Variants in RNF2 observed in about 807,000 individuals in gnomAD.
RNF2 encodes the protein E3 ubiquitin-protein ligase RING2.
Under a neutral mutation model 37.2 loss-of-function variants are expected in RNF2, and 6 were observed. The observed-to-expected ratio is 0.16, with a 90% CI of 0.09 to 0.32. RNF2 has a LOEUF of 0.32. RNF2 is among the 10% of genes least tolerant of loss of function. The pLI is 1.00. For missense variants in RNF2, 251 were observed against 404.0 expected (o/e 0.62, Z 3.25); for synonymous variants, 133 against 132.7 (o/e 1.00, Z -0.02).
At chr1:185,084,273 T>G (rs530108046) in intron 1 of RNF2, among the ~76,000 whole-genome samples, 1 of 152,290 alleles carries the variant, frequency 6.6e-6, no homozygotes, top group Admixed American at 6.5e-5. Context: ...CATGCCTTAA[T>G]TCAGTTTATG....
At position 185,069,228 on chromosome 1, in the gene RNF2, G is replaced by A. The variant is rs531145856; in HGVS notation, c.-2-18324G>A. 8.5e-5 allele frequency among the ~76,000 whole-genome samples: 13 copies of A among 152,192 alleles called. No individual in the cohort carries two copies. In the Middle Eastern group the frequency reaches 0.01, roughly 119 times the overall value. On this transcript the variant is annotated intron_variant, in intron 1 of 6. Transcript: ENST00000367510. ...AGCACTTTGCAAGGCCAAGGTTGGC[G>A]GATTGCTTAAGCCCAGGAGTTCGAA...
chr1:185,101,832 G>GGT lies in RNF2; in HGVS notation c.*1531_*1532insGT, dbSNP rs1322900584. 3.1e-5 allele frequency: 3 copies of GGT among 97,878 alleles called. No individual in the cohort carries two copies. The highest frequency in any genetic ancestry group is 1.2e-4 in the African/African-American group (3 of 24,638). 6.1% of individuals were successfully genotyped at this position (97,878 alleles called of 1,614,324 possible). A position where few individuals can be genotyped will look rare whatever the true frequency, so the allele number is the denominator to read the frequency against. ...AATATTTAAAATCTGTTTTTACAGG[G>GGT]TTTTTTTTTTTTTTTTTTTTTTGTA... On this transcript the variant is annotated 3_prime_UTR_variant, in exon 7 of 7. Coordinates refer to ENST00000367510, the MANE Select transcript of RNF2 (RefSeq NM_007212.4).
chr1:185,069,067 A>ATTTAGGCTCCTAAAT (rs1650887225), intron 1 of RNF2, among the ~76,000 whole-genome samples: 1 of 152,196 alleles, frequency 6.6e-6, no homozygotes, highest in Non-Finnish European at 1.5e-5. Flanking sequence ...TAAGAGTACA[A>ATTTAGGCTCCTAAAT]TTTAGGCTCC....
rs1467901526 is a variant in RNF2 at position 185,101,786 on chromosome 1, A to AT, written c.*1491dup. On this transcript the variant is annotated 3_prime_UTR_variant, in exon 7 of 7. Transcript: ENST00000367510. ...ATGAAAACTTAAAGGTATATATTCA[A>AT]TTTTTTACCATTTTATGGAAAATAT... 10 of 141,294 alleles carry AT rather than the reference A, an allele frequency of 7.1e-5. No individual in the cohort carries two copies. The highest frequency in any genetic ancestry group is 2.4e-4 in the African/African-American group (9 of 37,516). 8.8% of individuals were successfully genotyped at this position (141,294 alleles called of 1,614,324 possible).
chr1:185,076,268 G>GCTTTTTTTTT (rs1553240995), intron 1 of RNF2, among the ~76,000 whole-genome samples: 2 of 27,334 alleles, frequency 7.3e-5, no homozygotes, highest in African/African-American at 1.3e-4. Flanking sequence ...TTTATGGGTT[G>GCTTTTTTTTT]TTTTTTTTTT....
At chr1:185,069,294 A>C (rs1650894857) in intron 1 of RNF2, among the ~76,000 whole-genome samples, 1 of 152,058 alleles carries the variant, frequency 6.6e-6, no homozygotes, top group Non-Finnish European at 1.5e-5. Context: ...CTCTACAAAA[A>C]ATACACACAA....
chr1:185,072,332 T>C (rs1019097535), intron 1 of RNF2, among the ~76,000 whole-genome samples: 14 of 152,148 alleles, frequency 9.2e-5, no homozygotes, highest in African/African-American at 3.4e-4. Context: ...TTCATCACCA[T>C]TGATGAGTTC....
chr1:185,049,670 T>TAAAA (rs200612317), intron 1 of RNF2, among the ~76,000 whole-genome samples: 1 of 124,240 alleles, frequency 8.0e-6, no homozygotes, highest in African/African-American at 2.9e-5. Flanking sequence ...TAGATGAGTG[T>TAAAA]AAAAAAAAAA....
intron 2 of RNF2, among the ~76,000 whole-genome samples, chr1:185,088,171 T>G (rs939931633): frequency 1.3e-5 from 2 of 152,204 alleles, no homozygotes; most frequent in Non-Finnish European, 2.9e-5. Flanking sequence ...CAGCACATTT[T>G]AAGCAATAAG....
intron 1 of RNF2, among the ~76,000 whole-genome samples, chr1:185,080,919 G>GTC (rs1651326740): frequency 6.6e-6 from 1 of 152,162 alleles, no homozygotes; most frequent in African/African-American, 2.4e-5. Context: ...CTTATAATTA[G>GTC]TCCTAGGGTC....
intron 1 of RNF2, chr1:185,072,009 A>C (rs1650990906): frequency 6.6e-6 from 1 of 152,558 alleles, no homozygotes; most frequent in Non-Finnish European, 1.5e-5. Flanking sequence ...TGTGGAGACA[A>C]AGCTAGAGAT....
intron 1 of RNF2, among the ~76,000 whole-genome samples, chr1:185,070,491 A>G (rs1440086098): frequency 2.0e-5 from 3 of 152,188 alleles, no homozygotes; most frequent in Admixed American, 6.5e-5. Context: ...TTGGGAACAA[A>G]TGTATGGCCC....
At chr1:185,045,827 GGCGGGTGAA>G (rs1445195209) in intron 1 of RNF2, among the ~76,000 whole-genome samples, 178 bp downstream of exon 1, 1 of 152,126 alleles carries the variant, frequency 6.6e-6, no homozygotes, top group African/African-American at 2.4e-5. Flanking sequence ...CGGCGGAGAC[GGCGGGTGAA>G]GCGGGTTCTC....
chr1:185,100,377 T>C lies in RNF2; in HGVS notation c.*76T>C. 1 of 907,120 alleles carries C rather than the reference T, an allele frequency of 1.1e-6. No individual in the cohort carries two copies. The highest frequency in any genetic ancestry group is 1.7e-6 in the Non-Finnish European group (1 of 582,430). 56.2% of individuals were successfully genotyped at this position (907,120 alleles called of 1,614,324 possible). On this transcript the variant is annotated 3_prime_UTR_variant, in exon 7 of 7. Coordinates refer to ENST00000367510, the MANE Select transcript of RNF2 (RefSeq NM_007212.4). Reference sequence around the variant, plus strand: ...AATATTAAAGATGTACTGGCATTACTTTTATGGACAGATCTTGGATATGTT... The same window carrying C: ...AATATTAAAGATGTACTGGCATTACCTTTATGGACAGATCTTGGATATGTT...
Position 185,091,583 on chromosome 1 carries a change from C to A in RNF2, c.92C>A (p.Ala31Glu). 1 of 1,612,990 alleles carries A rather than the reference C, an allele frequency of 6.2e-7. No homozygotes were observed. The highest frequency in any genetic ancestry group is 8.5e-7 in the Non-Finnish European group (1 of 1,179,766). The change falls in exon 3 of 7, where the codon GCA (alanine) becomes GAA (glutamate). Residue 31 changes from alanine (A) to glutamate (E), a missense_variant. Physicochemically the swap from Ala to Glu is moderately radical, Grantham distance 107. This residue lies in a region of RNF2 where 43 missense variants were observed against 82.7 expected (regional missense o/e 0.52). Coordinates refer to ENST00000367510, the MANE Select transcript of RNF2 (RefSeq NM_007212.4). ...TTTAAAGTGACTCTTTTACAGGAGG[C>A]AATAACAGATGGCTTAGAAATTGTG... is the stretch of plus-strand genomic sequence containing the variant. The part of the protein sequence containing the change: ...LYELQRTPQE[A>E]ITDGLEIVVS...
At chr1:185,048,586 TAAGTG>T (rs767562361) in intron 1 of RNF2, among the ~76,000 whole-genome samples, 4 of 152,224 alleles carry the variant, frequency 2.6e-5, no homozygotes, top group East Asian at 1.9e-4. Context: ...AGCATACTAT[TAAGTG>T]AAGTAACCAG....
chr1:185,060,225 C>T (rs1023828214), intron 1 of RNF2, among the ~76,000 whole-genome samples: 1 of 152,166 alleles, frequency 6.6e-6, no homozygotes, highest in Admixed American at 6.5e-5. Context: ...AATCTTTTAG[C>T]TTTGCTTTAT....
At chr1:185,052,419 A>G (rs535348732) in intron 1 of RNF2, among the ~76,000 whole-genome samples, 1 of 152,254 alleles carries the variant, frequency 6.6e-6, no homozygotes, top group African/African-American at 2.4e-5. Context: ...CACATGTTAC[A>G]ATGTGGATGA....
chr1:185,094,620 C>G (rs1253959634), intron 4 of RNF2, among the ~76,000 whole-genome samples: 2 of 152,216 alleles, frequency 1.3e-5, no homozygotes, highest in Non-Finnish European at 2.9e-5. Context: ...CCCACATAGT[C>G]TATTCTCAGC....
Sources: allele counts gnomAD v4.1 joint callset (sites outside exome capture counted in the v4.1 genomes callset), GRCh38; gene constraint gnomAD v4.1.1; regional missense constraint gnomAD v4.1.1; transcripts MANE v1.5; gene names NCBI Gene and HGNC (gene_info 2026-07-23, HGNC 2026-07-21).